Variants in CFAP251 observed in about 807,000 individuals in gnomAD.
The protein encoded by CFAP251 is cilia- and flagella-associated protein 251.
A neutral mutation model predicts 126.7 loss-of-function variants in CFAP251; 93 were observed. The ratio of observed to expected loss-of-function variants is 0.73; its 90% CI spans 0.62 to 0.87. CFAP251 has a LOEUF of 0.87. Ranked by LOEUF, CFAP251 falls within the 40% of genes least tolerant of loss-of-function variation. The pLI is 0.00. For synonymous variants in CFAP251, 503 were observed against 506.9 expected, an observed-to-expected ratio of 0.99 and a Z score of 0.10; for missense variants, 1,287 against 1,389.2, an observed-to-expected ratio of 0.93 and a Z score of 1.17.
rs1476122424 is a variant in CFAP251 at position 122,001,425 on chromosome 12, A to G, written c.3236-72A>G. 4 of 1,311,178 alleles carry G rather than the reference A, an allele frequency of 3.1e-6. No homozygotes were observed. The African/African-American group carries it at 5.8e-5, about 19-fold the overall frequency. The allele number at this position is 1,311,178 out of a possible 1,614,324, so 81.2% of individuals were successfully genotyped here. On this transcript the variant is annotated intron_variant, in intron 20 of 21. Coordinates refer to ENST00000288912, the MANE Select transcript of CFAP251 (RefSeq NM_144668.6). ...TAATTCTCTTTAAGACCTCTGAATA[A>G]TAACGCTAAGCCCTGACAGTATGCT...
intron 5 of CFAP251, among the ~76,000 whole-genome samples, chr12:121,938,484 G>A (rs866714017): frequency 6.6e-6 from 1 of 150,612 alleles, no homozygotes; most frequent in African/African-American, 2.4e-5. Context: ...ACCACACCCA[G>A]CTAATTTTTT....
chr12:121,934,260 T>C lies in CFAP251; in HGVS notation c.902T>C (p.Ile301Thr). Residue 301 changes from isoleucine to threonine, a missense_variant, in exon 5 of 22, where the codon ATT becomes ACT. Ile to Thr is a moderately conservative substitution (Grantham distance 89). Coordinates refer to ENST00000288912, the MANE Select transcript of CFAP251 (RefSeq NM_144668.6). Reference sequence around the variant, plus strand: ...CCATTTCCATAGGGCCACGCCAATATTATCTCCTGCCTCTGCGTCAGTGAA... The same window carrying C: ...CCATTTCCATAGGGCCACGCCAATACTATCTCCTGCCTCTGCGTCAGTGAA... ...NQYHLQGHAN[I>T]ISCLCVSEDR... The C allele has an allele frequency of 6.2e-7, 1 of 1,613,828 alleles. No individual in the cohort carries two copies. The highest frequency in any genetic ancestry group is 8.5e-7 in the Non-Finnish European group (1 of 1,179,908).
At chr12:121,971,660 C>A in intron 17 of CFAP251, 1 of 702,286 alleles carries the variant, frequency 1.4e-6, no homozygotes, top group African/African-American at 1.7e-5. Context: ...GGCAGTGGAG[C>A]TGGGATTCAC....
Position 121,984,590 on chromosome 12 carries a change from A to G in CFAP251, c.3006+8905A>G, listed in dbSNP as rs141140904. Among the ~76,000 whole-genome samples the G allele has an allele frequency of 4.7e-3, 719 of 152,290 alleles. 5 individuals are homozygous for G. The highest frequency in any genetic ancestry group is 0.01 in the Middle Eastern group (3 of 294). On this transcript the variant is annotated intron_variant, in intron 19 of 21. Transcript: ENST00000288912. The stretch of plus-strand genomic sequence containing the variant: ...CAAAGTGCTGGGATTACAAGGTGTG[A>G]GCCACGGCGCCCGGCCTAGAAATCA...
At chr12:122,003,090 C>T (rs1330591492) in intron 21 of CFAP251, among the ~76,000 whole-genome samples, 3 of 152,120 alleles carry the variant, frequency 2.0e-5, no homozygotes, top group Non-Finnish European at 4.4e-5. Flanking sequence ...ATCAATCATA[C>T]CATGTGGTTA....
At chr12:121,922,915 G>C (rs548183269) in intron 2 of CFAP251, among the ~76,000 whole-genome samples, 1 of 151,948 alleles carries the variant, frequency 6.6e-6, no homozygotes, top group Non-Finnish European at 1.5e-5. Flanking sequence ...TCAGCCTCCC[G>C]AGTAGCTGGG....
chr12:121,964,722 A>T (rs2135788777), intron 15 of CFAP251, among the ~76,000 whole-genome samples: 1 of 152,302 alleles, frequency 6.6e-6, no homozygotes, highest in South Asian at 2.1e-4. Flanking sequence ...CAACATGGTG[A>T]AACCCTGTCT....
At chr12:121,992,126 C>G in intron 19 of CFAP251, 1 of 819,924 alleles carries the variant, frequency 1.2e-6, no homozygotes, top group Non-Finnish European at 1.5e-6. Flanking sequence ...CTGACAACCA[C>G]CAGTGCGTCT....
intron 9 of CFAP251, 25 bp downstream of exon 9, chr12:121,951,555 TC>T: frequency 6.4e-7 from 1 of 1,558,102 alleles, no homozygotes; most frequent in Non-Finnish European, 8.8e-7. Context: ...TGCATTTTTG[TC>T]CATCAGATTT....
chr12:121,991,399 G>A (rs1318165185), intron 19 of CFAP251, among the ~76,000 whole-genome samples: 1 of 152,208 alleles, frequency 6.6e-6, no homozygotes, highest in African/African-American at 2.4e-5. Flanking sequence ...TTTGGCACCA[G>A]TATCACCTCC....
At chr12:121,919,150 T>TC (rs1880053062) in intron 1 of CFAP251, among the ~76,000 whole-genome samples, 1 of 150,546 alleles carries the variant, frequency 6.6e-6, no homozygotes. Context: ...ATTATTTTTT[T>TC]TTTACCAGAG....
In CFAP251 at chr12:121,921,627, A is replaced by G; in HGVS notation, c.322A>G (p.Ile108Val). The G allele has an allele frequency of 6.2e-7, 1 of 1,613,830 alleles. No homozygotes were observed. Among genetic ancestry groups the G allele is most frequent in the Non-Finnish European group, 8.5e-7 (1 of 1,179,954 alleles). Reference sequence around the variant, plus strand: ...GCCCCAAGAAGTCACAGCGTCCATGATCCGTTTGGAGACACAGATTACTGA... The same window carrying G: ...GCCCCAAGAAGTCACAGCGTCCATGGTCCGTTTGGAGACACAGATTACTGA... Reference protein sequence around the residue: ...VEPQEVTASMIRLETQITDSQ... With the variant: ...VEPQEVTASMVRLETQITDSQ... Residue 108 changes from isoleucine to valine, a missense_variant, in exon 2 of 22, where the codon ATC (isoleucine) becomes GTC (valine). By Grantham distance (29) the Ile-to-Val change is conservative. Transcript: ENST00000288912.
At chr12:121,978,298 G>C (rs1176987530) in intron 19 of CFAP251, among the ~76,000 whole-genome samples, 3 of 148,108 alleles carry the variant, frequency 2.0e-5, no homozygotes, top group African/African-American at 5.0e-5. Flanking sequence ...GGAGGCTGAG[G>C]CAGGAGAATG....
chr12:121,931,917 G>T (rs1233484785), intron 4 of CFAP251, 31 bp downstream of exon 4: 3 of 1,482,368 alleles, frequency 2.0e-6, no homozygotes, highest in East Asian at 2.6e-5. Context: ...TACAGGTGGG[G>T]GAGTTGTCTT....
intron 5 of CFAP251, among the ~76,000 whole-genome samples, chr12:121,936,815 AG>A (rs1323614773): frequency 6.6e-6 from 1 of 152,156 alleles, no homozygotes; most frequent in African/African-American, 2.4e-5. Flanking sequence ...CGTGCTGGGC[AG>A]GGTGGGAATA....
At chr12:121,967,109 G>T (rs767904188) in intron 16 of CFAP251, 40 bp downstream of exon 16, 1 of 1,561,490 alleles carries the variant, frequency 6.4e-7, no homozygotes, top group East Asian at 2.2e-5. Context: ...AGTTGACTCT[G>T]TGTGTCATGA....
At position 121,942,567 on chromosome 12, in the gene CFAP251, T is replaced by C. The variant is rs1881163637; in HGVS notation, c.1032T>C (p.Pro344=). The stretch of plus-strand genomic sequence containing the variant: ...TGCACACAATATTTGACAGCTGCCC[T>C]GAAGGGAATGGCATCATGGCCATGG... ...IPVHTIFDSC[P]EGNGIMAMAM... Residue 344 remains proline, a synonymous_variant, in exon 6 of 22, where the codon CCT becomes CCC. Coordinates refer to ENST00000288912, the MANE Select transcript of CFAP251 (RefSeq NM_144668.6). The C allele has an allele frequency of 1.2e-6, 2 of 1,613,904 alleles. No individual in the cohort carries two copies. Among genetic ancestry groups the C allele is most frequent in the African/African-American group, 1.3e-5 (1 of 75,030 alleles).
At chr12:121,935,524 G>A (rs990912871) in intron 5 of CFAP251, among the ~76,000 whole-genome samples, 1 of 152,202 alleles carries the variant, frequency 6.6e-6, no homozygotes, top group African/African-American at 2.4e-5. Context: ...GGCTATGGCC[G>A]TTTCTTAGAC....
rs1164418766 is a variant in CFAP251 at position 121,927,236 on chromosome 12, GT to G, written c.747+3251del. ...AGATAATCCTGCATTTCTACAAAAT[GT>G]TTTTCCACTTAATATGTCTTGGAAG... On this transcript the variant is annotated intron_variant, in intron 3 of 21. Transcript: ENST00000288912. Among the ~76,000 whole-genome samples, 4 of 149,132 alleles carry G rather than the reference GT, an allele frequency of 2.7e-5. No homozygotes were observed. In the East Asian group the frequency reaches 7.9e-4, roughly 29 times the overall value.
Sources: allele counts gnomAD v4.1 joint callset (sites outside exome capture counted in the v4.1 genomes callset), GRCh38; gene constraint gnomAD v4.1.1; transcripts MANE v1.5; gene names NCBI Gene and HGNC (gene_info 2026-07-23, HGNC 2026-07-21).